The following ANK1 variants were observed in gnomAD, a reference collection of about 807,000 sequenced individuals.
The protein encoded by ANK1 is ankyrin 1, also known as ankyrin-1.
A neutral mutation model predicts 210.4 loss-of-function variants in ANK1; 51 were observed. The observed-to-expected ratio is 0.24, with a 90% CI of 0.19 to 0.31. The LOEUF (loss-of-function observed/expected upper bound fraction) is 0.31, where lower values mean the gene tolerates loss of function less well. Ranked by LOEUF, ANK1 falls within the 10% of genes least tolerant of loss-of-function variation. The probability of loss-of-function intolerance (pLI) is 1.00; values close to 1 mark genes in which losing one functional copy is unlikely to be tolerated. For missense variants in ANK1, 2,051 were observed against 2,504.4 expected, an observed-to-expected ratio of 0.82 and a Z score of 3.86; for synonymous variants, 967 against 1,025.9, an observed-to-expected ratio of 0.94 and a Z score of 1.10.
intron 16 of ANK1, among the ~76,000 whole-genome samples, chr8:41,709,618 G>A (rs1177258997): frequency 6.6e-6 from 1 of 152,214 alleles, no homozygotes; most frequent in East Asian, 1.9e-4. Context: ...GATACTATAC[G>A]TGAAGGTATG....
chr8:41,702,132 G>A lies in ANK1; in HGVS notation c.2308C>T (p.Pro770Ser). ...PNEVSSDGTT[P>S]LAIAKRLGYI... ...CCCAAGCGCTTGGCTATGGCCAGAG[G>A]TGTGGTTCCATCCTGGGGAAAGAGC... Residue 770 changes from proline to serine, a missense_variant, in exon 21 of 43, where the codon CCT (proline) becomes TCT (serine). This residue lies in a region of ANK1 where 1,413 missense variants were observed against 1,707.4 expected (regional missense o/e 0.83). Coordinates refer to ENST00000289734, the MANE Select transcript of ANK1 (RefSeq NM_000037.4). 6.2e-7 allele frequency: 1 copy of A among 1,614,142 alleles called. No individual in the cohort carries two copies.
intron 2 of ANK1, among the ~76,000 whole-genome samples, chr8:41,742,549 C>G (rs919651014): frequency 1.3e-5 from 2 of 152,204 alleles, no homozygotes; most frequent in Admixed American, 6.5e-5. Flanking sequence ...CTCAGTCCCC[C>G]ACTCCCTTTC....
chr8:41,714,973 C>T lies in ANK1; in HGVS notation c.1701+3G>A, dbSNP rs766675704. ...TGCAGGGGAGGGCAGGGTTCAAACT[C>T]ACTTTTCCGGCAGCATTCGGGTGTG... On this transcript the variant is annotated splice_donor_region_variant and intron_variant, in intron 15 of 42. Coordinates refer to ENST00000289734, the MANE Select transcript of ANK1 (RefSeq NM_000037.4). The T allele has an allele frequency of 5.0e-6, 8 of 1,613,968 alleles. No individual in the cohort carries two copies. The highest frequency in any genetic ancestry group is 1.3e-5 in the African/African-American group (1 of 74,926).
chr8:41,729,374 A>C (rs1182804673), intron 3 of ANK1, among the ~76,000 whole-genome samples: 3 of 152,136 alleles, frequency 2.0e-5, no homozygotes, highest in East Asian at 1.9e-4. Context: ...GGTTCTGAGA[A>C]AGTGAGTTTT....
intron 13 of ANK1, 129 bp downstream of exon 13, chr8:41,716,824 C>T (rs1454042069): frequency 4.2e-6 from 4 of 949,106 alleles, no homozygotes; most frequent in Non-Finnish European, 6.9e-6. Context: ...CTCAGAGTGA[C>T]CTGATCAGGA....
intron 2 of ANK1, among the ~76,000 whole-genome samples, chr8:41,753,873 T>C (rs1838407065): frequency 6.6e-6 from 1 of 152,164 alleles, no homozygotes; most frequent in Non-Finnish European, 1.5e-5. Context: ...AACCCTCTGC[T>C]CCTTTCTCTG....
At chr8:41,894,450 G>T (rs1414705548) in intron 1 of ANK1, among the ~76,000 whole-genome samples, 1 of 151,974 alleles carries the variant, frequency 6.6e-6, no homozygotes, top group Non-Finnish European at 1.5e-5. Context: ...GAAGCAAAAA[G>T]AATATTGAAA....
chr8:41,656,668 T>G (rs562724796), intron 42 of ANK1, among the ~76,000 whole-genome samples: 95 of 152,018 alleles, frequency 6.2e-4, no homozygotes, highest in Non-Finnish European at 1.2e-3. Flanking sequence ...AAGGAGGAGG[T>G]GACAATCTCT....
chr8:41,786,090 A>G (rs189748720), intron 1 of ANK1, among the ~76,000 whole-genome samples: 122 of 152,270 alleles, frequency 8.0e-4, no homozygotes, highest in Admixed American at 3.9e-3. Flanking sequence ...AAAGCATTGT[A>G]TCTTGTAGCA....
rs555256203 is a variant in ANK1, at chr8:41,882,498, T to C, written c.126+13857A>G. 2.0e-5 allele frequency among the ~76,000 whole-genome samples: 3 copies of C among 152,230 alleles called. No homozygotes were observed. The East Asian group carries it at 5.8e-4, about 29-fold the overall frequency. On this transcript the variant is annotated intron_variant, in intron 1 of 42. Coordinates refer to the ANK1 transcript ENST00000265709. ...AGCTTCCATGACAACCAGTGAGGAA[T>C]GCATCCCAGGGTGTTGGAGATGGGC...
At chr8:41,758,215 C>T (rs1008745161) in intron 1 of ANK1, 78 bp from the exon 2 acceptor site, 39 of 1,290,808 alleles carry the variant, frequency 3.0e-5, no homozygotes, top group South Asian at 1.1e-4. Context: ...CCCAGGCCCC[C>T]GCAGCAGCCC....
intron 1 of ANK1, among the ~76,000 whole-genome samples, chr8:41,802,997 G>GAAAA (rs1391178632): frequency 1.9e-5 from 1 of 53,938 alleles, no homozygotes; most frequent in Non-Finnish European, 3.2e-5. Context: ...GAGAAAGAGA[G>GAAAA]AAAGAAAGAA....
intron 2 of ANK1, among the ~76,000 whole-genome samples, chr8:41,737,565 C>T (rs1189200781): frequency 2.6e-5 from 4 of 152,342 alleles, no homozygotes; most frequent in Non-Finnish European, 4.4e-5. Context: ...AGACCTGCCT[C>T]TCGCGGAGCT....
intron 39 of ANK1, chr8:41,665,072 C>A (rs1362185751): frequency 1.3e-6 from 2 of 1,598,818 alleles, no homozygotes; most frequent in East Asian, 4.5e-5. Context: ...GCCCCGGCCA[C>A]CACGGGGGGC....
At chr8:41,668,210 C>G in intron 39 of ANK1, 57 bp downstream of exon 39, 2 of 1,611,766 alleles carry the variant, frequency 1.2e-6, no homozygotes, top group African/African-American at 1.3e-5. Context: ...CCTGGAGTCC[C>G]GGCCCCTTCC....
intron 1 of ANK1, among the ~76,000 whole-genome samples, chr8:41,806,718 CT>C (rs1851018385): frequency 6.6e-6 from 1 of 152,156 alleles, no homozygotes; most frequent in Admixed American, 6.5e-5. Context: ...GCACTCCAGC[CT>C]TGGCAACAGA....
At chr8:41,811,241 G>A (rs931605589) in intron 1 of ANK1, among the ~76,000 whole-genome samples, 22 of 152,136 alleles carry the variant, frequency 1.4e-4, no homozygotes, top group African/African-American at 5.3e-4. Context: ...TCTGAGGAAG[G>A]GAGCGGGGGT....
At chr8:41,678,361 C>T (rs1367271794) in intron 37 of ANK1, among the ~76,000 whole-genome samples, 1 of 152,076 alleles carries the variant, frequency 6.6e-6, no homozygotes, top group Non-Finnish European at 1.5e-5. Context: ...AGGCTGGTCT[C>T]GAACTTCTGA....
At chr8:41,893,037 C>T (rs1370692779) in intron 1 of ANK1, among the ~76,000 whole-genome samples, 1 of 152,128 alleles carries the variant, frequency 6.6e-6, no homozygotes, top group African/African-American at 2.4e-5. Context: ...CGTCAGCGCT[C>T]CTCTCCCTAT....
Sources: allele counts gnomAD v4.1 joint callset (sites outside exome capture counted in the v4.1 genomes callset), GRCh38; gene constraint gnomAD v4.1.1; regional missense constraint gnomAD v4.1.1; transcripts MANE v1.5; gene names NCBI Gene and HGNC (gene_info 2026-07-23, HGNC 2026-07-21).